The following TMEM108 variants were observed in gnomAD, a reference collection of about 807,000 sequenced individuals.
TMEM108 encodes the protein cancer/testis antigen 124.
Under a neutral mutation model 35.1 loss-of-function variants are expected in TMEM108, and 12 were observed. The ratio of observed to expected loss-of-function variants is 0.34; its 90% confidence interval spans 0.22 to 0.55. The LOEUF is 0.55. TMEM108 is among the 20% of genes least tolerant of loss of function. The pLI, the probability that TMEM108 is intolerant of heterozygous loss-of-function variation, is 0.89. For synonymous variants in TMEM108, 287 were observed against 308.6 expected (o/e 0.93, Z 0.73); for missense variants, 680 against 753.3 (o/e 0.90, Z 1.14).
intron 3 of TMEM108, among the ~76,000 whole-genome samples, chr3:133,309,969 G>A (rs1424516840): frequency 1.3e-5 from 2 of 152,076 alleles, no homozygotes; most frequent in East Asian, 3.9e-4. Flanking sequence ...CAAAGTGCTG[G>A]GATTACAGGC....
chr3:133,231,307 G>A (rs980211170), intron 3 of TMEM108, among the ~76,000 whole-genome samples: 1 of 152,062 alleles, frequency 6.6e-6, no homozygotes, highest in Non-Finnish European at 1.5e-5. Context: ...TAACAAACTA[G>A]TCTAAAACCT....
At chr3:133,192,326 A>G (rs1041165301) in intron 2 of TMEM108, among the ~76,000 whole-genome samples, 1 of 152,194 alleles carries the variant, frequency 6.6e-6, no homozygotes, top group African/African-American at 2.4e-5. Flanking sequence ...TTTGAGCAGT[A>G]CTTTTCTGAG....
chr3:133,386,438 T>C (rs2073151349), intron 4 of TMEM108: 3 of 1,536,040 alleles, frequency 2.0e-6, no homozygotes, highest in Non-Finnish European at 2.6e-6. Flanking sequence ...TCCTATCACC[T>C]GAAAGCATGC....
At position 133,312,856 on chromosome 3, in the gene TMEM108, C is replaced by T. The variant is rs2071151274; in HGVS notation, c.41-66896C>T. 2.6e-5 allele frequency among the ~76,000 whole-genome samples: 4 copies of T among 152,316 alleles called. No homozygotes were observed. The South Asian group carries it at 8.3e-4, about 32-fold the overall frequency. On this transcript the variant is annotated intron_variant, in intron 3 of 5. Transcript: ENST00000321871. Reference sequence around the variant, plus strand: ...ACCAGAGCTCTTCCTTTTGGGCCATCTTGGAACGGAACCCTCCCTCCTTCA... The same window carrying T: ...ACCAGAGCTCTTCCTTTTGGGCCATTTTGGAACGGAACCCTCCCTCCTTCA...
At chr3:133,129,101 T>A (rs535934784) in intron 2 of TMEM108, among the ~76,000 whole-genome samples, 1 of 152,212 alleles carries the variant, frequency 6.6e-6, no homozygotes, top group South Asian at 2.1e-4. Context: ...TTCCAGCACT[T>A]TGGGAGGCTG....
At chr3:133,126,906 AT>A (rs1360378993) in intron 2 of TMEM108, among the ~76,000 whole-genome samples, 1 of 152,218 alleles carries the variant, frequency 6.6e-6, no homozygotes, top group East Asian at 1.9e-4. Flanking sequence ...TATCTGTATT[AT>A]TTTTTGTTGT....
In TMEM108 at chr3:133,379,989, C is replaced by T; in HGVS notation, c.278C>T (p.Pro93Leu). The T allele has an allele frequency of 6.2e-7, 1 of 1,613,994 alleles. No homozygotes were observed. The highest frequency in any genetic ancestry group is 8.5e-7 in the Non-Finnish European group (1 of 1,179,960). ...ACACCCCGTGCAGAGGGGCACCCTC[C>T]TACGCACACCATCTCCACCATCGCT... is the stretch of plus-strand genomic sequence containing the variant. ...TPTPRAEGHP[P>L]THTISTIAAT... The change falls in exon 4 of 6, where the codon CCT becomes CTT. Residue 93 changes from proline to leucine, a missense_variant. By Grantham distance (98) the Pro-to-Leu change is moderately conservative. Coordinates refer to ENST00000321871, the MANE Select transcript of TMEM108 (RefSeq NM_023943.4).
intron 3 of TMEM108, among the ~76,000 whole-genome samples, chr3:133,235,890 A>G (rs963168966): frequency 1.3e-5 from 2 of 152,132 alleles, no homozygotes; most frequent in Non-Finnish European, 2.9e-5. Context: ...AAAGTTTTTA[A>G]TAATGGAAGG....
chr3:133,048,070 TG>T (rs1332073120), intron 2 of TMEM108, among the ~76,000 whole-genome samples: 1 of 152,104 alleles, frequency 6.6e-6, no homozygotes, highest in Non-Finnish European at 1.5e-5. Flanking sequence ...TAATATATTC[TG>T]GATGAAAACT....
In TMEM108 at chr3:133,380,496, C is replaced by T. The variant is rs141560089; in HGVS notation, c.785C>T (p.Thr262Ile). 2.8e-5 allele frequency: 45 copies of T among 1,613,812 alleles called. No homozygotes were observed. The highest frequency in any genetic ancestry group is 3.6e-5 in the Non-Finnish European group (43 of 1,179,982). ...GCTGCGACCACAGTGCCCAGCAATA[C>T]CTCATGGGCACCCACCACCACCTCC... ...TVAATTVPSN[T>I]SWAPTTTSLG... The change falls in exon 4 of 6, where the codon ACC becomes ATC. Residue 262 changes from threonine (T) to isoleucine (I), a missense_variant. Around this residue, in one of 3 missense-constraint regions of TMEM108, gnomAD observed 526 missense variants for 532.1 expected, o/e 0.99. Coordinates refer to ENST00000321871, the MANE Select transcript of TMEM108 (RefSeq NM_023943.4). The surrounding 1 kb of genome is among the most constrained non-coding windows in gnomAD (Gnocchi z 5.3).
chr3:133,202,481 G>A (rs1945684674), intron 2 of TMEM108, among the ~76,000 whole-genome samples: 1 of 152,152 alleles, frequency 6.6e-6, no homozygotes, highest in South Asian at 2.1e-4. Context: ...ACGGTGTAAG[G>A]AAGGGGTCCA....
intron 2 of TMEM108, among the ~76,000 whole-genome samples, chr3:133,228,678 A>G (rs529343154): frequency 6.6e-6 from 1 of 152,282 alleles, no homozygotes; most frequent in East Asian, 1.9e-4. Flanking sequence ...CTAAAGAGAT[A>G]CACTCTAAAA....
chr3:133,109,714 A>AC (rs1167053185), intron 2 of TMEM108, among the ~76,000 whole-genome samples: 3 of 152,224 alleles, frequency 2.0e-5, no homozygotes, highest in African/African-American at 7.2e-5. Flanking sequence ...AAAACATGAG[A>AC]AAGGCTGTCA....
At chr3:133,280,176 T>G (rs1330335350) in intron 3 of TMEM108, among the ~76,000 whole-genome samples, 2 of 152,102 alleles carry the variant, frequency 1.3e-5, no homozygotes, top group Non-Finnish European at 2.9e-5. Flanking sequence ...CTATCTGAGA[T>G]AGACTCCAAG....
At chr3:133,149,338 C>G (rs1279969530) in intron 2 of TMEM108, among the ~76,000 whole-genome samples, 3 of 152,186 alleles carry the variant, frequency 2.0e-5, no homozygotes, top group Non-Finnish European at 4.4e-5. Flanking sequence ...ACATCCATCA[C>G]CTCATATGCT....
At chr3:133,066,188 T>C (rs1469560323) in intron 2 of TMEM108, among the ~76,000 whole-genome samples, 1 of 152,140 alleles carries the variant, frequency 6.6e-6, no homozygotes, top group Non-Finnish European at 1.5e-5. Flanking sequence ...GAGCTTGGAA[T>C]TTAATTGGTG....
intron 2 of TMEM108, among the ~76,000 whole-genome samples, chr3:133,137,808 T>C (rs1292051992): frequency 6.6e-6 from 1 of 152,094 alleles, no homozygotes; most frequent in Admixed American, 6.6e-5. Flanking sequence ...GAAAGGAACA[T>C]ATAAAGGTTG....
At chr3:133,104,522 CT>C in intron 2 of TMEM108, among the ~76,000 whole-genome samples, 1 of 152,224 alleles carries the variant, frequency 6.6e-6, no homozygotes, top group African/African-American at 2.4e-5. Flanking sequence ...CTTTTGCTTT[CT>C]CCCAAAGGGT....
chr3:133,243,303 A>T (rs1462262080), intron 3 of TMEM108, among the ~76,000 whole-genome samples: 1 of 152,160 alleles, frequency 6.6e-6, no homozygotes, highest in African/African-American at 2.4e-5. Flanking sequence ...ACACAGGAGA[A>T]TCCCTGAAGG....
Sources: gnomAD v4.1 joint callset for allele counts (sites outside exome capture counted in the v4.1 genomes callset) on GRCh38, gnomAD v4.1.1 for gene constraint, gnomAD v4.1.1 regional missense constraint, Gnocchi (gnomAD v3.1) non-coding constraint, MANE v1.5 for transcripts, NCBI Gene and HGNC (gene_info 2026-07-23, HGNC 2026-07-21) for gene names.